The following SMCR8 variants were observed in gnomAD, a reference collection of about 807,000 sequenced individuals.
SMCR8 encodes SMCR8-C9orf72 complex subunit, also known as guanine nucleotide exchange protein SMCR8.
In SMCR8, 30 loss-of-function variants were observed where a neutral mutation model predicts 56.6. The observed-to-expected ratio is 0.53, with a 90% CI of 0.40 to 0.72. The LOEUF (loss-of-function observed/expected upper bound fraction) is 0.72. SMCR8 is among the 30% of genes least tolerant of loss of function. The pLI is 0.00. For synonymous variants in SMCR8, 538 were observed against 456.0 expected (o/e 1.18, Z -2.29); for missense variants, 1,198 against 1,157.0 (o/e 1.04, Z -0.51).
intron 1 of SMCR8, among the ~76,000 whole-genome samples, chr17:18,319,252 G>A (rs1682200296): frequency 1.3e-5 from 2 of 152,170 alleles, no homozygotes; most frequent in African/African-American, 4.8e-5. Context: ...ACCTCTGAAG[G>A]GCTCCCGGGG....
chr17:18,323,189 G>A lies in SMCR8; in HGVS notation c.*119G>A. 2 of 889,482 alleles carry A rather than the reference G, an allele frequency of 2.2e-6. No individual in the cohort carries two copies. Among genetic ancestry groups the A allele is most frequent in the Non-Finnish European group, 1.7e-6 (1 of 586,160 alleles). 55.1% of individuals were successfully genotyped at this position (889,482 alleles called of 1,614,324 possible). A position where few individuals can be genotyped will look rare whatever the true frequency, so the allele number is the denominator to read the frequency against. ...TTAAGTTTCTGGTGTCTGGCAGCAT[G>A]GTTCCCACGTGGCTCCTAGTAGTTT... On this transcript the variant is annotated 3_prime_UTR_variant, in exon 2 of 2. Transcript: ENST00000406438.
At position 18,315,824 on chromosome 17, in the gene SMCR8, A is replaced by C; in HGVS notation, c.35A>C (p.Lys12Thr). 6.2e-7 allele frequency: 1 copy of C among 1,602,428 alleles called. No homozygotes were observed. Among genetic ancestry groups the C allele is most frequent in the Non-Finnish European group, 8.5e-7 (1 of 1,171,114 alleles). ...ISAPDVVAFT[K>T]EEEYEEEPYN... ...GCCCCTGACGTAGTGGCCTTCACCAAAGAGGAAGAGTATGAAGAAGAGCCT... is the reference window on the plus strand; with the variant it reads ...GCCCCTGACGTAGTGGCCTTCACCACAGAGGAAGAGTATGAAGAAGAGCCT... The change falls in exon 1 of 2, where the codon AAA (lysine) becomes ACA (threonine). Residue 12 changes from lysine to threonine, a missense_variant. Transcript: ENST00000406438.
chr17:18,315,622 T>G lies in SMCR8; in HGVS notation c.-168T>G. ...TACAACTGTGAGGGGGCTGCTAGAG[T>G]TCTTCTCCTCGGGTGTGTGAGAAGC... On this transcript the variant is annotated 5_prime_UTR_variant, in exon 1 of 2. Coordinates refer to ENST00000406438, the MANE Select transcript of SMCR8 (RefSeq NM_144775.3). 1.6e-6 allele frequency: 1 copy of G among 608,820 alleles called. No individual in the cohort carries two copies. The highest frequency in any genetic ancestry group is 2.9e-6 in the Non-Finnish European group (1 of 349,972). The allele number at this position is 608,820 out of a possible 1,614,324, so 37.7% of individuals were successfully genotyped here.
intron 1 of SMCR8, among the ~76,000 whole-genome samples, chr17:18,321,266 G>T (rs1982488511): frequency 1.3e-5 from 2 of 152,236 alleles, no homozygotes; most frequent in African/African-American, 4.8e-5. Flanking sequence ...CTTCAGGAGG[G>T]TGTTTAAGGA....
At chr17:18,321,656 A>AT (rs1244823333) in intron 1 of SMCR8, among the ~76,000 whole-genome samples, 2 of 152,048 alleles carry the variant, frequency 1.3e-5, no homozygotes, top group Non-Finnish European at 2.9e-5. Context: ...CCTGGGAAAC[A>AT]TAGCAAACTT....
rs1033406449 is a variant in SMCR8 at position 18,317,702 on chromosome 17, C to T, written c.1913C>T (p.Ser638Phe). 2 of 1,614,038 alleles carry T rather than the reference C, an allele frequency of 1.2e-6. No individual in the cohort carries two copies. Among genetic ancestry groups the T allele is most frequent in the Non-Finnish European group, 1.7e-6 (2 of 1,180,046 alleles). Residue 638 changes from serine to phenylalanine, a missense_variant, in exon 1 of 2, where the codon TCT becomes TTT. Transcript: ENST00000406438. ...VDFSVENANPSSRDNSCEGFP... is the reference protein window; with the variant it reads ...VDFSVENANPFSRDNSCEGFP... ...TTTTCAGTGGAAAATGCCAACCCTT[C>T]TTCCCGAGACAACAGTTGTGAAGGG...
chr17:18,315,464 A>C lies in SMCR8; in HGVS notation c.-326A>C. ...TCAGAGCGGGGGCTTTTGCTGTCGC[A>C]GTGGGTTCCGGAGAGTGCAGGTGAT... is the stretch of plus-strand genomic sequence containing the variant. On this transcript the variant is annotated 5_prime_UTR_variant, in exon 1 of 2. Transcript: ENST00000406438. 1 of 243,482 alleles carries C rather than the reference A, an allele frequency of 4.1e-6. No individual in the cohort carries two copies. Among genetic ancestry groups the C allele is most frequent in the Non-Finnish European group, 8.0e-6 (1 of 124,870 alleles). 15.1% of individuals were successfully genotyped at this position (243,482 alleles called of 1,614,324 possible). A position where few individuals can be genotyped will look rare whatever the true frequency, so the allele number is the denominator to read the frequency against.
chr17:18,320,367 A>C (rs867079287), intron 1 of SMCR8, among the ~76,000 whole-genome samples: 1 of 152,192 alleles, frequency 6.6e-6, no homozygotes, highest in Admixed American at 6.5e-5. Flanking sequence ...GTGGAGGAAC[A>C]GTTAGAATAG....
rs562185464 is a variant in SMCR8, at chr17:18,323,873, AG to A, written c.*804del. On this transcript the variant is annotated 3_prime_UTR_variant, in exon 2 of 2. Coordinates refer to ENST00000406438, the MANE Select transcript of SMCR8 (RefSeq NM_144775.3). ...GACCACCTTGGGGGCTGGAGAGCAC[AG>A]CAGGCAGAGCAGGGCTGAGGCGCCA... The A allele has an allele frequency of 7.9e-5, 12 of 152,536 alleles. No homozygotes were observed. Among genetic ancestry groups the A allele is most frequent in the Non-Finnish European group, 1.6e-4 (11 of 68,298 alleles). 9.4% of individuals were successfully genotyped at this position (152,536 alleles called of 1,614,324 possible). A position where few individuals can be genotyped will look rare whatever the true frequency, so the allele number is the denominator to read the frequency against.
At position 18,316,582 on chromosome 17, in the gene SMCR8, G is replaced by C. The variant is rs978696302; in HGVS notation, c.793G>C (p.Asp265His). ...CCCTCATCGGAAGTTGAAGGGGCAT[G>C]ATTTGTGTCCTGGTGAGATGGAGCA... Reference protein sequence around the residue: ...SYPHRKLKGHDLCPGEMEHIQ... With the variant: ...SYPHRKLKGHHLCPGEMEHIQ... Residue 265 changes from aspartate (D) to histidine (H), a missense_variant, in exon 1 of 2, where the codon GAT (aspartate) becomes CAT (histidine). Physicochemically the swap from Asp to His is moderately conservative, Grantham distance 81. Transcript: ENST00000406438. The C allele has an allele frequency of 6.2e-7, 1 of 1,614,084 alleles. No homozygotes were observed. Among genetic ancestry groups the C allele is most frequent in the Admixed American group, 1.7e-5 (1 of 59,998 alleles).
chr17:18,321,061 G>T (rs907535142), intron 1 of SMCR8, among the ~76,000 whole-genome samples: 1 of 152,192 alleles, frequency 6.6e-6, no homozygotes, highest in African/African-American at 2.4e-5. Flanking sequence ...TAGCTCCCAG[G>T]TCAATGTTGG....
At chr17:18,322,537 A>G in intron 1 of SMCR8, 80 bp from the exon 2 acceptor site, 1 of 1,296,668 alleles carries the variant, frequency 7.7e-7, no homozygotes, top group Non-Finnish European at 1.1e-6. Flanking sequence ...GCCTGGGGAC[A>G]GGAGGCCTCA....
At chr17:18,318,463 G>C (rs1236272905) in intron 1 of SMCR8, among the ~76,000 whole-genome samples, 3 of 152,148 alleles carry the variant, frequency 2.0e-5, no homozygotes, top group Admixed American at 1.3e-4. Flanking sequence ...GAGTGCAATG[G>C]CGCGATCTTG....
At position 18,315,810 on chromosome 17, in the gene SMCR8, AG is replaced by A. The variant is rs1982241941; in HGVS notation, c.22del (p.Val8TrpfsTer66). On this transcript the variant is annotated frameshift_variant, in exon 1 of 2. Coordinates refer to ENST00000406438, the MANE Select transcript of SMCR8 (RefSeq NM_144775.3). LOFTEE classifies it high-confidence loss of function. The stretch of plus-strand genomic sequence containing the variant: ...GAAATATGATCAGCGCCCCTGACGT[AG>A]TGGCCTTCACCAAAGAGGAAGAGTA... MISAPDV[V>X]AFTKEEEYEE... 6.3e-7 allele frequency: 1 copy of A among 1,596,654 alleles called. No homozygotes were observed. The highest frequency in any genetic ancestry group is 1.3e-5 in the African/African-American group (1 of 74,376).
intron 1 of SMCR8, among the ~76,000 whole-genome samples, chr17:18,319,178 G>C (rs1024795544): frequency 2.0e-5 from 3 of 152,240 alleles, no homozygotes; most frequent in African/African-American, 7.2e-5. Flanking sequence ...AAGTCCTGGT[G>C]TGCCACCACT....
In SMCR8 at chr17:18,317,943, C is replaced by T. The variant is rs368001739; in HGVS notation, c.2154C>T (p.Pro718=). The change falls in exon 1 of 2, where the codon CCC becomes CCT. Residue 718 remains proline (P), a synonymous_variant. Coordinates refer to ENST00000406438, the MANE Select transcript of SMCR8 (RefSeq NM_144775.3). The part of the protein sequence containing the change: ...QNALKFIRQY[P]FAHPAIYSLL... Reference sequence around the variant, plus strand: ...CCTTAAAATTCATCCGCCAGTACCCCTTTGCCCACCCAGCCATCTACTCCC... The same window carrying T: ...CCTTAAAATTCATCCGCCAGTACCCTTTTGCCCACCCAGCCATCTACTCCC... 1.9e-6 allele frequency: 3 copies of T among 1,614,216 alleles called. No individual in the cohort carries two copies. The highest frequency in any genetic ancestry group is 1.1e-5 in the South Asian group (1 of 91,082).
chr17:18,318,162 A>C lies in SMCR8; in HGVS notation c.2360+13A>C. Reference sequence around the variant, plus strand: ...TTGGCTTGCAGAGGTAACTGGTTCCAGGTGGTGGGGAAGGGCCTTGGCCAG... The same window carrying C: ...TTGGCTTGCAGAGGTAACTGGTTCCCGGTGGTGGGGAAGGGCCTTGGCCAG... On this transcript the variant is annotated intron_variant, in intron 1 of 1. Coordinates refer to ENST00000406438, the MANE Select transcript of SMCR8 (RefSeq NM_144775.3). 6.2e-7 allele frequency: 1 copy of C among 1,606,340 alleles called. No homozygotes were observed. Among genetic ancestry groups the C allele is most frequent in the Non-Finnish European group, 8.5e-7 (1 of 1,174,336 alleles).
In SMCR8 at chr17:18,315,873, G is replaced by A; in HGVS notation, c.84G>A (p.Glu28=). 1 of 1,614,112 alleles carries A rather than the reference G, an allele frequency of 6.2e-7. No individual in the cohort carries two copies. Among genetic ancestry groups the A allele is most frequent in the Non-Finnish European group, 8.5e-7 (1 of 1,180,012 alleles). The change falls in exon 1 of 2, where the codon GAG becomes GAA. Residue 28 remains glutamate, a synonymous_variant. Transcript: ENST00000406438. ...EEPYNEPALP[E]EYSVPLFPFA... ...CTTACAATGAGCCGGCCCTGCCTGA[G>A]GAGTACTCGGTGCCGCTCTTCCCCT...
intron 1 of SMCR8, among the ~76,000 whole-genome samples, chr17:18,320,306 T>C (rs1982460267): frequency 6.6e-6 from 1 of 152,178 alleles, no homozygotes; most frequent in South Asian, 2.1e-4. Flanking sequence ...CTGAGGCTTG[T>C]CCCTTCCCGT....
Sources: gnomAD v4.1 joint callset for allele counts (sites outside exome capture counted in the v4.1 genomes callset) on GRCh38, gnomAD v4.1.1 for gene constraint, MANE v1.5 for transcripts, NCBI Gene and HGNC (gene_info 2026-07-23, HGNC 2026-07-21) for gene names.